Variants in OPN4 observed in about 807,000 individuals in gnomAD.
The protein encoded by OPN4 is opsin 4.
A neutral mutation model predicts 49.5 loss-of-function variants in OPN4; 43 were observed. The observed-to-expected ratio is 0.87, with a 90% CI of 0.68 to 1.12. The LOEUF (loss-of-function observed/expected upper bound fraction) is 1.12. Among genes scored for constraint, OPN4 ranks in the 50% most tolerant of loss-of-function variants. OPN4 has a pLI of 0.00. For missense variants in OPN4, 657 were observed against 643.9 expected (o/e 1.02, Z -0.22); for synonymous variants, 263 against 258.0 (o/e 1.02, Z -0.19).
At chr10:86,655,646 G>A (rs981367600) in intron 1 of OPN4, among the ~76,000 whole-genome samples, 2 of 152,182 alleles carry the variant, frequency 1.3e-5, no homozygotes, top group Non-Finnish European at 2.9e-5. Flanking sequence ...AAGGTTAGCT[G>A]TACCCAGCTA....
chr10:86,660,787 C>T (rs558616991), intron 6 of OPN4, among the ~76,000 whole-genome samples: 2 of 152,204 alleles, frequency 1.3e-5, no homozygotes, highest in Non-Finnish European at 2.9e-5. Flanking sequence ...TCCAGAGCTG[C>T]ACCCTCAACC....
chr10:86,663,782 G>A lies in OPN4; in HGVS notation c.1378G>A (p.Glu460Lys), dbSNP rs368037081. Residue 460 changes from glutamate to lysine, a missense_variant, in exon 9 of 10, where the codon GAA becomes AAA. Transcript: ENST00000241891. ...GGCACCCCCCAGACCCCAGGGACAC[G>A]AAGCAGAGACTCCAGGGAAGGTGAC... ...AKAPPRPQGH[E>K]AETPGKTKGL... The A allele has an allele frequency of 3.3e-5, 52 of 1,555,352 alleles. No homozygotes were observed. In the African/African-American group the frequency reaches 4.4e-4, roughly 13 times the overall value.
chr10:86,656,201 A>C lies in OPN4; in HGVS notation c.191A>C (p.Asp64Ala). The C allele has an allele frequency of 6.2e-7, 1 of 1,614,090 alleles. No individual in the cohort carries two copies. The highest frequency in any genetic ancestry group is 8.5e-7 in the Non-Finnish European group (1 of 1,180,004). Residue 64 changes from aspartate (D) to alanine (A), a missense_variant, in exon 2 of 10, where the codon GAT becomes GCT. Asp to Ala is a moderately radical substitution (Grantham distance 126). Transcript: ENST00000241891. ...GCCTGGGTCCCCCTCCCCACGGTTG[A>C]TGTTCCAGACCATGCCCACTATACC... The part of the protein sequence containing the change: ...AAAWVPLPTV[D>A]VPDHAHYTLG...
At chr10:86,662,492 G>C in intron 8 of OPN4, 60 bp downstream of exon 8, 1 of 1,478,836 alleles carries the variant, frequency 6.8e-7, no homozygotes. Context: ...GGCAGCCCTG[G>C]GGCTCTGGGG....
Position 86,662,433 on chromosome 10 carries a change from G to A in OPN4, c.1254+1G>A, listed in dbSNP as rs1204693313. 6.5e-7 allele frequency: 1 copy of A among 1,545,710 alleles called. No individual in the cohort carries two copies. The highest frequency in any genetic ancestry group is 2.0e-5 in the Admixed American group (1 of 51,146). ...GTCCCTGGGCTCGGAGAGTGAGGTG[G>A]TAAGGATGCTGGGCCCTCACCAGCT... On this transcript the variant is annotated splice_donor_variant, in intron 8 of 9. Coordinates refer to ENST00000241891, the MANE Select transcript of OPN4 (RefSeq NM_033282.4). LOFTEE classifies it high-confidence loss of function.
chr10:86,656,944 CAAAAAAAA>C (rs10718951), intron 2 of OPN4, among the ~76,000 whole-genome samples: 64 of 73,422 alleles, frequency 8.7e-4, no homozygotes, highest in African/African-American at 3.7e-3. Flanking sequence ...GACTCCATCT[CAAAAAAAA>C]AAAAAAAAAA....
intron 9 of OPN4, among the ~76,000 whole-genome samples, chr10:86,665,473 C>A (rs1376512989): frequency 6.6e-6 from 1 of 151,998 alleles, no homozygotes; most frequent in Non-Finnish European, 1.5e-5. Flanking sequence ...TCAGTTGTGA[C>A]CCCGGGAGTC....
intron 9 of OPN4, among the ~76,000 whole-genome samples, chr10:86,664,203 C>T (rs1207476084): frequency 6.6e-6 from 1 of 152,206 alleles, no homozygotes; most frequent in African/African-American, 2.4e-5. Context: ...CTGGCACATG[C>T]TCTGTCACTG....
In OPN4 at chr10:86,660,090, G is replaced by C. The variant is rs367915576; in HGVS notation, c.965+31G>C. ...CAGTGGCTAAAGGGTTGGGGAAGAGGCTGAAGGTGTGGGGGCAGGAGCAAG... is the reference window on the plus strand; with the variant it reads ...CAGTGGCTAAAGGGTTGGGGAAGAGCCTGAAGGTGTGGGGGCAGGAGCAAG... On this transcript the variant is annotated intron_variant, in intron 6 of 9. Coordinates refer to ENST00000241891, the MANE Select transcript of OPN4 (RefSeq NM_033282.4). The C allele has an allele frequency of 6.8e-6, 11 of 1,610,912 alleles. No individual in the cohort carries two copies. In the African/African-American group the frequency reaches 1.5e-4, roughly 22 times the overall value.
At chr10:86,665,675 G>A (rs777821845) in intron 9 of OPN4, 38 bp from the exon 10 acceptor site, 3 of 1,598,346 alleles carry the variant, frequency 1.9e-6, no homozygotes, top group Non-Finnish European at 2.6e-6. Flanking sequence ...CCAGTGAACT[G>A]CTCCTCAGCT....
Position 86,659,999 on chromosome 10 carries a change from T to A in OPN4, c.905T>A (p.Ile302Asn). The change falls in exon 6 of 10, where the codon ATC becomes AAC. Residue 302 changes from isoleucine to asparagine, a missense_variant. Ile to Asn is a moderately radical substitution (Grantham distance 149, BLOSUM62 -3). Coordinates refer to ENST00000241891, the MANE Select transcript of OPN4 (RefSeq NM_033282.4). ...CKMAKIMLLV[I>N]LLFVLSWAPY... is the part of the protein sequence containing the mutation. ...ATGGCCAAGATCATGCTGCTGGTCATCCTCCTCTTCGTGCTCTCCTGGGCT... is the reference window on the plus strand; with the variant it reads ...ATGGCCAAGATCATGCTGCTGGTCAACCTCCTCTTCGTGCTCTCCTGGGCT... The A allele has an allele frequency of 6.2e-7, 1 of 1,614,168 alleles. No homozygotes were observed. Among genetic ancestry groups the A allele is most frequent in the Non-Finnish European group, 8.5e-7 (1 of 1,180,010 alleles).
At chr10:86,661,626 TA>T (rs1844010132) in intron 7 of OPN4, among the ~76,000 whole-genome samples, 1 of 152,020 alleles carries the variant, frequency 6.6e-6, no homozygotes, top group Non-Finnish European at 1.5e-5. Context: ...TGTCCAGTCC[TA>T]ACTATGGGAC....
Position 86,659,968 on chromosome 10 carries a change from T to C in OPN4, c.874T>C (p.Cys292Arg). 6.2e-7 allele frequency: 1 copy of C among 1,614,112 alleles called. No homozygotes were observed. The highest frequency in any genetic ancestry group is 1.6e-4 in the Middle Eastern group (1 of 6,062). Residue 292 changes from cysteine (C) to arginine (R), a missense_variant, in exon 6 of 10, where the codon TGC becomes CGC. Coordinates refer to ENST00000241891, the MANE Select transcript of OPN4 (RefSeq NM_033282.4). The part of the protein sequence containing the change: ...LWQRQRLQSE[C>R]KMAKIMLLVI... ...GCAGCGGCAGCGGCTGCAGAGCGAG[T>C]GCAAGATGGCCAAGATCATGCTGCT...
intron 9 of OPN4, 101 bp downstream of exon 9, chr10:86,663,903 G>A (rs541338475): frequency 7.3e-7 from 1 of 1,378,672 alleles, no homozygotes; most frequent in Admixed American, 2.5e-5. Flanking sequence ...CATGGGCAGG[G>A]GCGATATCCT....
At chr10:86,655,939 C>T (rs1190854007) in intron 1 of OPN4, among the ~76,000 whole-genome samples, 1 of 152,224 alleles carries the variant, frequency 6.6e-6, no homozygotes, top group East Asian at 1.9e-4. Context: ...TAGAAGGCCC[C>T]TGTGCCATGT....
At chr10:86,658,711 A>AG (rs773476232) in intron 4 of OPN4, 24 bp downstream of exon 4, 1 of 1,606,922 alleles carries the variant, frequency 6.2e-7, no homozygotes, top group Non-Finnish European at 8.5e-7. Context: ...TGGAACTGGA[A>AG]GGGGGGCAGA....
chr10:86,663,589 TG>T, intron 8 of OPN4, 69 bp from the exon 9 acceptor site: 1 of 1,362,662 alleles, frequency 7.3e-7, no homozygotes, highest in Non-Finnish European at 9.7e-7. Context: ...GAGGGCCTGG[TG>T]GGGTAAGGGC....
chr10:86,662,535 A>T, intron 8 of OPN4, 103 bp downstream of exon 8: 1 of 1,117,100 alleles, frequency 9.0e-7, no homozygotes, highest in Non-Finnish European at 1.3e-6. Context: ...TGCCTCTGAG[A>T]CTCAGGGACA....
chr10:86,657,042 GC>G (rs1034037449), intron 2 of OPN4, among the ~76,000 whole-genome samples: 1 of 150,272 alleles, frequency 6.7e-6, no homozygotes. Flanking sequence ...CTCTCCATCT[GC>G]CCCCCTGCCT....
Sources: gnomAD v4.1 joint callset for allele counts (sites outside exome capture counted in the v4.1 genomes callset) on GRCh38, gnomAD v4.1.1 for gene constraint, MANE v1.5 for transcripts, NCBI Gene and HGNC (gene_info 2026-07-23, HGNC 2026-07-21) for gene names.